The following THRB variants were observed in gnomAD, a reference collection of about 807,000 sequenced individuals.
THRB encodes the protein nuclear receptor subfamily 1 group A member 2.
Under a neutral mutation model 47.8 loss-of-function variants are expected in THRB, and 12 were observed. That is an observed-to-expected ratio of 0.25 (90% CI 0.16 to 0.41). The LOEUF (loss-of-function observed/expected upper bound fraction) is 0.41, where lower values mean the gene tolerates loss of function less well. Among genes scored for constraint, THRB ranks in the 10% least tolerant of loss-of-function variants. THRB has a pLI of 1.00. For missense variants in THRB, 348 were observed against 589.2 expected (o/e 0.59, Z 4.24); for synonymous variants, 218 against 212.2 (o/e 1.03, Z -0.24).
At chr3:24,136,875 T>C (rs2077447) in intron 8 of THRB, among the ~76,000 whole-genome samples, 55,150 of 152,086 alleles carry the variant, frequency 0.36, 10,190 homozygotes, top group East Asian at 0.59. Context: ...TGCCTTACAT[T>C]TTCCCATTTC....
intron 1 of THRB, among the ~76,000 whole-genome samples, chr3:24,481,229 G>GTTT (rs746323691): frequency 0.014 from 764 of 55,356 alleles, 48 homozygotes; most frequent in Middle Eastern, 0.071. Context: ...GTTTCTTTCT[G>GTTT]TTTTTTTTTT....
intron 1 of THRB, among the ~76,000 whole-genome samples, chr3:24,398,300 C>T (rs1215836724): frequency 1.3e-5 from 2 of 152,154 alleles, no homozygotes; most frequent in Non-Finnish European, 2.9e-5. Flanking sequence ...AGGCAACCTA[C>T]AGAATGGGAG....
intron 1 of THRB, among the ~76,000 whole-genome samples, chr3:24,378,916 A>G (rs2065491269): frequency 6.6e-6 from 1 of 152,132 alleles, no homozygotes; most frequent in South Asian, 2.1e-4. Context: ...CTCAAATATA[A>G]CTGTCTTAAC....
At chr3:24,474,929 TAATG>T (rs1362562128) in intron 1 of THRB, among the ~76,000 whole-genome samples, 1 of 152,254 alleles carries the variant, frequency 6.6e-6, no homozygotes, top group Non-Finnish European at 1.5e-5. Flanking sequence ...GTAGGTAGGA[TAATG>T]ACTTAATATG....
intron 2 of THRB, among the ~76,000 whole-genome samples, chr3:24,305,685 T>A (rs1370365396): frequency 6.6e-6 from 1 of 152,202 alleles, no homozygotes; most frequent in African/African-American, 2.4e-5. Flanking sequence ...TTATGTGAGC[T>A]TCACACCACA....
At chr3:24,229,092 C>A in intron 3 of THRB, 91 bp from the exon 4 acceptor site, 3 of 796,480 alleles carry the variant, frequency 3.8e-6, no homozygotes, top group South Asian at 3.0e-5. Context: ...GCATTAATTA[C>A]CTTGAAGCAA....
chr3:24,154,436 C>T (rs2037489412), intron 5 of THRB, among the ~76,000 whole-genome samples: 2 of 152,126 alleles, frequency 1.3e-5, no homozygotes, highest in Admixed American at 1.3e-4. Context: ...AACTCATAAG[C>T]TGAGTTCTGT....
At chr3:24,282,701 GA>G (rs1423623427) in intron 3 of THRB, among the ~76,000 whole-genome samples, 2 of 148,436 alleles carry the variant, frequency 1.3e-5, no homozygotes, top group Admixed American at 6.6e-5. Flanking sequence ...GACTAATAAA[GA>G]AAAAAAGAGA....
intron 1 of THRB, among the ~76,000 whole-genome samples, chr3:24,393,102 A>G (rs1436685810): frequency 1.3e-5 from 2 of 152,144 alleles, no homozygotes; most frequent in African/African-American, 4.8e-5. Flanking sequence ...TTAGTTCCAT[A>G]CAAATACAAA....
rs372906922 is a variant in THRB at position 24,317,023 on chromosome 3, C to T, written c.-188-19652G>A. On this transcript the variant is annotated intron_variant, in intron 2 of 10. Coordinates refer to ENST00000646209, the MANE Select transcript of THRB (RefSeq NM_001354712.2). The stretch of plus-strand genomic sequence containing the variant: ...TTTATTACTATCTGTCTCCCCAAAT[C>T]GGTTAAGAGTTTCTGGGGCAAAGGT... 3.1e-4 allele frequency among the ~76,000 whole-genome samples: 47 copies of T among 152,288 alleles called. No individual in the cohort carries two copies. In the Middle Eastern group the frequency reaches 0.01, roughly 33 times the overall value.
intron 3 of THRB, among the ~76,000 whole-genome samples, chr3:24,249,534 G>T (rs923484145): frequency 3.9e-5 from 6 of 152,072 alleles, no homozygotes; most frequent in Admixed American, 2.0e-4. Context: ...CTCTGGCAAG[G>T]GCTGCTTACC....
intron 1 of THRB, among the ~76,000 whole-genome samples, chr3:24,434,668 A>T (rs528395934): frequency 6.6e-6 from 1 of 152,222 alleles, no homozygotes; most frequent in Non-Finnish European, 1.5e-5. Flanking sequence ...CTACTTCAAT[A>T]TGAAGCAACC....
chr3:24,143,417 T>C lies in THRB; in HGVS notation c.738+84A>G. ...CAGTAAAATGAGGCAATAACACCAGTATCCCAAGGTGATGAGGACTGAATA... is the reference window on the plus strand; with the variant it reads ...CAGTAAAATGAGGCAATAACACCAGCATCCCAAGGTGATGAGGACTGAATA... On this transcript the variant is annotated intron_variant, in intron 8 of 10. Coordinates refer to ENST00000646209, the MANE Select transcript of THRB (RefSeq NM_001354712.2). The C allele has an allele frequency of 5.3e-6, 7 of 1,323,592 alleles. No individual in the cohort carries two copies. In the Middle Eastern group the frequency reaches 5.5e-4, roughly 104 times the overall value. 82.0% of individuals were successfully genotyped at this position (1,323,592 alleles called of 1,614,324 possible). A position where few individuals can be genotyped will look rare whatever the true frequency, so the allele number is the denominator to read the frequency against.
chr3:24,134,935 G>T lies in THRB; in HGVS notation c.739-1473C>A, dbSNP rs932738904. Among the ~76,000 whole-genome samples, 2 of 152,174 alleles carry T rather than the reference G, an allele frequency of 1.3e-5. 1 individual carries two copies. Among genetic ancestry groups the T allele is most frequent in the Admixed American group, 1.3e-4 (2 of 15,274 alleles). On this transcript the variant is annotated intron_variant, in intron 8 of 10. Coordinates refer to ENST00000646209, the MANE Select transcript of THRB (RefSeq NM_001354712.2). ...AATTCCTCACTTGCAGAGCAGTGAGGACACTGCCAGTGGTGAGACTAGCCT... is the reference window on the plus strand; with the variant it reads ...AATTCCTCACTTGCAGAGCAGTGAGTACACTGCCAGTGGTGAGACTAGCCT...
At chr3:24,279,450 TCTCA>T (rs1353083845) in intron 3 of THRB, among the ~76,000 whole-genome samples, 1 of 151,978 alleles carries the variant, frequency 6.6e-6, no homozygotes, top group African/African-American at 2.4e-5. Flanking sequence ...AGTGGTGCAA[TCTCA>T]GCTCACTGCA....
chr3:24,329,351 G>A (rs2061776375), intron 2 of THRB, among the ~76,000 whole-genome samples: 1 of 152,072 alleles, frequency 6.6e-6, no homozygotes, highest in African/African-American at 2.4e-5. Flanking sequence ...TTTACTGTTG[G>A]CCAGACAACT....
chr3:24,389,129 T>C (rs2066360525), intron 1 of THRB, among the ~76,000 whole-genome samples: 1 of 152,302 alleles, frequency 6.6e-6, no homozygotes, highest in South Asian at 2.1e-4. Flanking sequence ...GCAGAAAGCA[T>C]AGCCAGCAGT....
chr3:24,241,893 A>G (rs1172337998), intron 3 of THRB, among the ~76,000 whole-genome samples: 2 of 152,110 alleles, frequency 1.3e-5, no homozygotes, highest in African/African-American at 4.8e-5. Flanking sequence ...CTACTGCTTT[A>G]TAGTATTGGT....
intron 5 of THRB, among the ~76,000 whole-genome samples, chr3:24,188,569 A>T (rs2042898174): frequency 6.6e-6 from 1 of 152,090 alleles, no homozygotes; most frequent in Admixed American, 6.5e-5. Flanking sequence ...ATCAATTGTG[A>T]GTGAATCAAA....
Sources: gnomAD v4.1 joint callset for allele counts (sites outside exome capture counted in the v4.1 genomes callset) on GRCh38, gnomAD v4.1.1 for gene constraint, MANE v1.5 for transcripts, NCBI Gene and HGNC (gene_info 2026-07-23, HGNC 2026-07-21) for gene names.